The following EZH2 variants were observed in gnomAD, a reference collection of about 807,000 sequenced individuals.
The protein encoded by EZH2 is enhancer of zeste 2 polycomb repressive complex 2 subunit, also known as histone-lysine N-methyltransferase EZH2.
In EZH2, 18 loss-of-function variants were observed where a neutral mutation model predicts 98.4. The observed-to-expected ratio is 0.18, with a 90% CI of 0.13 to 0.27. The LOEUF is 0.27. Among genes scored for constraint, EZH2 ranks in the 10% least tolerant of loss-of-function variants. The pLI is 1.00. For synonymous variants in EZH2, 338 were observed against 312.3 expected, an observed-to-expected ratio of 1.08 and a Z score of -0.87; for missense variants, 470 against 935.1, an observed-to-expected ratio of 0.50 and a Z score of 6.49.
At chr7:148,863,360 T>C (rs1156441023) in intron 1 of EZH2, among the ~76,000 whole-genome samples, 1 of 152,212 alleles carries the variant, frequency 6.6e-6, no homozygotes, top group Non-Finnish European at 1.5e-5. Context: ...TGAAGGGTAC[T>C]TTATTATACC....
At chr7:148,833,508 T>A in intron 3 of EZH2, among the ~76,000 whole-genome samples, 1 of 152,116 alleles carries the variant, frequency 6.6e-6, no homozygotes, top group East Asian at 1.9e-4. Context: ...GAAAACTTGT[T>A]CAGTTAATCT....
chr7:148,809,003 T>A lies in EZH2; in HGVS notation c.2195+68A>T. On this transcript the variant is annotated intron_variant, in intron 19 of 19. Coordinates refer to ENST00000320356, the MANE Select transcript of EZH2 (RefSeq NM_004456.5). ...AGAAGCAAAGAACTAAAAACCCTCC[T>A]TTGTCCAGAGTTCACAATCCAGTAG... The A allele has an allele frequency of 2.3e-6, 3 of 1,321,440 alleles. No individual in the cohort carries two copies. In the Admixed American group the frequency reaches 5.5e-5, roughly 24 times the overall value. The allele number at this position is 1,321,440 out of a possible 1,614,324, so 81.9% of individuals were successfully genotyped here.
At chr7:148,827,343 A>C (rs1413707245) in intron 6 of EZH2, 77 bp from the exon 7 acceptor site, 2 of 1,050,830 alleles carry the variant, frequency 1.9e-6, no homozygotes, top group African/African-American at 1.6e-5. Context: ...CTACCCAATT[A>C]TGTCTCTATA....
At chr7:148,836,878 G>A (rs773088470) in intron 3 of EZH2, 1 of 511,076 alleles carries the variant, frequency 2.0e-6, no homozygotes, top group South Asian at 1.5e-5. Flanking sequence ...AGCTGGAGAG[G>A]GAAGTCAAGC....
intron 3 of EZH2, among the ~76,000 whole-genome samples, chr7:148,840,537 T>C (rs1329747852): frequency 6.6e-6 from 1 of 152,210 alleles, no homozygotes; most frequent in African/African-American, 2.4e-5. Context: ...TATTTCTGTG[T>C]TATCTAAATT....
At chr7:148,860,961 C>T (rs1290405824) in intron 1 of EZH2, among the ~76,000 whole-genome samples, 1 of 152,126 alleles carries the variant, frequency 6.6e-6, no homozygotes, top group East Asian at 1.9e-4. Flanking sequence ...GTGTGAGCCA[C>T]TACACCTGGC....
intron 1 of EZH2, among the ~76,000 whole-genome samples, chr7:148,881,599 T>C (rs887388789): frequency 1.2e-4 from 19 of 152,126 alleles, no homozygotes; most frequent in Admixed American, 5.9e-4. Context: ...GTACAAAGAA[T>C]AGTAATTATC....
At chr7:148,837,361 A>T (rs137995640) in intron 3 of EZH2, among the ~76,000 whole-genome samples, 3 of 152,332 alleles carry the variant, frequency 2.0e-5, no homozygotes, top group African/African-American at 7.2e-5. Context: ...AGGAAGGTGC[A>T]GGAAGGTCGG....
chr7:148,864,683 CAAA>C (rs200348491), intron 1 of EZH2, among the ~76,000 whole-genome samples: 3 of 81,454 alleles, frequency 3.7e-5, no homozygotes, highest in Admixed American at 1.3e-4. Flanking sequence ...GAGACTGTCT[CAAA>C]AAAAAAAAAA....
chr7:148,818,784 G>A (rs1477845371), intron 9 of EZH2, among the ~76,000 whole-genome samples: 33 of 152,028 alleles, frequency 2.2e-4, no homozygotes, highest in Admixed American at 2.1e-3. Context: ...ATAAAACAAT[G>A]GTAAGAGCAT....
chr7:148,841,790 TG>T (rs1373413074), intron 3 of EZH2, among the ~76,000 whole-genome samples: 3 of 152,114 alleles, frequency 2.0e-5, no homozygotes, highest in African/African-American at 7.2e-5. Flanking sequence ...TGCAATCGAG[TG>T]TTTACATGTA....
chr7:148,860,557 T>C (rs931004628), intron 1 of EZH2, among the ~76,000 whole-genome samples: 1 of 152,226 alleles, frequency 6.6e-6, no homozygotes, highest in African/African-American at 2.4e-5. Context: ...AAGAACACCA[T>C]TAACACCATT....
chr7:148,842,655 A>G (rs1209673598), intron 3 of EZH2, among the ~76,000 whole-genome samples: 4 of 152,260 alleles, frequency 2.6e-5, no homozygotes, highest in Non-Finnish European at 5.9e-5. Context: ...TGTCTTCAAA[A>G]AGTCAGAAGT....
In EZH2 at chr7:148,807,530, T is replaced by G. The variant is rs972290649; in HGVS notation, c.*116A>C. Reference sequence around the variant, plus strand: ...TCATTACTATAAATTATTCTTACAGTACTTTGCAAATTCAGAATTTCAAAC... The same window carrying G: ...TCATTACTATAAATTATTCTTACAGGACTTTGCAAATTCAGAATTTCAAAC... On this transcript the variant is annotated 3_prime_UTR_variant, in exon 20 of 20. Coordinates refer to ENST00000320356, the MANE Select transcript of EZH2 (RefSeq NM_004456.5). 11 of 825,882 alleles carry G rather than the reference T, an allele frequency of 1.3e-5. No homozygotes were observed. Among genetic ancestry groups the G allele is most frequent in the Admixed American group, 2.1e-5 (1 of 47,442 alleles). The allele number at this position is 825,882 out of a possible 1,614,324, so 51.2% of individuals were successfully genotyped here.
chr7:148,817,802 T>C (rs769190984), intron 10 of EZH2, 75 bp downstream of exon 10: 2 of 1,581,028 alleles, frequency 1.3e-6, no homozygotes. Flanking sequence ...AATTATTCAA[T>C]GCATTATACA....
intron 1 of EZH2, among the ~76,000 whole-genome samples, chr7:148,865,847 T>G (rs971061030): frequency 6.6e-6 from 1 of 152,192 alleles, no homozygotes; most frequent in Non-Finnish European, 1.5e-5. Context: ...CTCTCATAAT[T>G]TCCAGGCAAT....
chr7:148,883,976 T>G (rs2129497100), intron 1 of EZH2, 188 bp downstream of exon 1: 1 of 151,814 alleles, frequency 6.6e-6, no homozygotes, highest in South Asian at 2.1e-4. Context: ...CACAGCTCCT[T>G]CCGGGGAGGG....
rs1481097067 is a variant in EZH2, at chr7:148,817,347, T to C, written c.1285A>G (p.Ile429Val). 2 of 1,613,856 alleles carry C rather than the reference T, an allele frequency of 1.2e-6. No homozygotes were observed. Among genetic ancestry groups the C allele is most frequent in the African/African-American group, 2.7e-5 (2 of 74,924 alleles). ...CQTPIKMKPN[I>V]EPPENVEWSG... ...CACTCCACATTCTCAGGAGGTTCAA[T>C]ATTTGGCTTCATCTTTATTGGTGTT... is the stretch of plus-strand genomic sequence containing the variant. The change falls in exon 11 of 20, where the codon ATT (isoleucine) becomes GTT (valine). Residue 429 changes from isoleucine to valine, a missense_variant. Transcript: ENST00000320356.
At chr7:148,849,958 T>C (rs1334069636) in intron 1 of EZH2, among the ~76,000 whole-genome samples, 1 of 152,196 alleles carries the variant, frequency 6.6e-6, no homozygotes, top group African/African-American at 2.4e-5. Context: ...AGCACCCCTG[T>C]GCAATAAGGC....
Sources: allele counts gnomAD v4.1 joint callset (sites outside exome capture counted in the v4.1 genomes callset), GRCh38; gene constraint gnomAD v4.1.1; transcripts MANE v1.5; gene names NCBI Gene and HGNC (gene_info 2026-07-23, HGNC 2026-07-21).